Variants in ANK2 observed in about 807,000 individuals in gnomAD.
The protein encoded by ANK2 is ankyrin 2.
ANK2 carries 83 observed loss-of-function variants against 360.5 expected under a neutral mutation model. That is an observed-to-expected ratio of 0.23 (90% CI 0.19 to 0.28). ANK2 has a LOEUF of 0.28. ANK2 is among the 10% of genes least tolerant of loss of function. The probability of loss-of-function intolerance (pLI) is 1.00; values close to 1 mark genes in which losing one functional copy is unlikely to be tolerated. For synonymous variants in ANK2, 1,740 were observed against 1,759.5 expected, an observed-to-expected ratio of 0.99 and a Z score of 0.28; for missense variants, 4,201 against 4,795.7, an observed-to-expected ratio of 0.88 and a Z score of 3.66.
At chr4:112,875,870 T>A (rs1201963032) in intron 1 of ANK2, among the ~76,000 whole-genome samples, 1 of 151,928 alleles carries the variant, frequency 6.6e-6, no homozygotes, top group African/African-American at 2.4e-5. Context: ...GCCTCCCAAG[T>A]AGCTGAGACC....
chr4:113,317,063 C>T (rs186771033), intron 24 of ANK2, among the ~76,000 whole-genome samples: 3 of 152,214 alleles, frequency 2.0e-5, no homozygotes, highest in South Asian at 4.2e-4. Flanking sequence ...ACAGTGCTCT[C>T]GTTTGAAATA....
intron 1 of ANK2, among the ~76,000 whole-genome samples, chr4:112,902,604 A>G (rs978973508): frequency 7.2e-5 from 11 of 152,170 alleles, no homozygotes; most frequent in African/African-American, 2.7e-4. Flanking sequence ...TGAATGCTTA[A>G]ATGTTGTCCT....
intron 1 of ANK2, among the ~76,000 whole-genome samples, chr4:113,158,168 T>C (rs944770222): frequency 3.9e-5 from 6 of 152,198 alleles, no homozygotes; most frequent in South Asian, 2.1e-4. Context: ...CAGTCCATGT[T>C]GTGTAGGAAA....
chr4:113,275,892 C>T (rs1251092526), intron 15 of ANK2, among the ~76,000 whole-genome samples: 1 of 150,430 alleles, frequency 6.6e-6, no homozygotes, highest in Non-Finnish European at 1.5e-5. Context: ...ATAACTATAT[C>T]CATGGTAAAT....
intron 1 of ANK2, chr4:113,117,089 A>G: frequency 2.8e-6 from 1 of 358,958 alleles, no homozygotes; most frequent in Non-Finnish European, 5.4e-6. Context: ...AGTTCATTGT[A>G]GTGAGTTGTG....
chr4:112,972,362 A>G (rs2039834755), intron 2 of ANK2, among the ~76,000 whole-genome samples: 1 of 152,000 alleles, frequency 6.6e-6, no homozygotes, highest in Admixed American at 6.6e-5. Context: ...ACCCCTCAAC[A>G]GGCCCCGGTG....
chr4:113,079,011 G>A (rs2081263422), intron 1 of ANK2, among the ~76,000 whole-genome samples: 1 of 152,062 alleles, frequency 6.6e-6, no homozygotes, highest in African/African-American at 2.4e-5. Context: ...TTTAAAAAAG[G>A]AAACTTGAAA....
chr4:112,825,180 G>A (rs555445314), intron 1 of ANK2, among the ~76,000 whole-genome samples: 116 of 152,150 alleles, frequency 7.6e-4, no homozygotes, highest in Admixed American at 6.7e-3. Flanking sequence ...CACATACCAG[G>A]CCTGTCATGG....
At chr4:112,967,296 A>G (rs1207591722) in intron 2 of ANK2, among the ~76,000 whole-genome samples, 1 of 152,228 alleles carries the variant, frequency 6.6e-6, no homozygotes, top group Non-Finnish European at 1.5e-5. Context: ...AGTCAAGATT[A>G]AACTAATCTA....
At chr4:112,856,880 G>A (rs962103043) in intron 1 of ANK2, among the ~76,000 whole-genome samples, 1 of 152,250 alleles carries the variant, frequency 6.6e-6, no homozygotes, top group Non-Finnish European at 1.5e-5. Flanking sequence ...GCCAGTTGAA[G>A]ACGTATAGCC....
At chr4:113,048,430 ATT>A (rs61689467), upstream of ANK2, among the ~76,000 whole-genome samples, 47 of 129,720 alleles carry the variant, frequency 3.6e-4, no homozygotes, top group African/African-American at 1.3e-3. Context: ...CACCTGGCTA[ATT>A]TTTTTTTTTT....
At chr4:113,107,172 G>C (rs559087566) in intron 1 of ANK2, among the ~76,000 whole-genome samples, 1 of 152,086 alleles carries the variant, frequency 6.6e-6, no homozygotes, top group Non-Finnish European at 1.5e-5. Context: ...AAGCACACAT[G>C]CTCACTGATT....
intron 38 of ANK2, 95 bp downstream of exon 38, chr4:113,359,394 A>ATTT: frequency 6.5e-7 from 1 of 1,529,672 alleles, no homozygotes; most frequent in Non-Finnish European, 8.9e-7. Context: ...TTTGTGTCTC[A>ATTT]TTTTCTTTAA....
chr4:113,178,310 G>A (rs1006153907), intron 2 of ANK2, among the ~76,000 whole-genome samples: 24 of 152,116 alleles, frequency 1.6e-4, no homozygotes, highest in African/African-American at 5.3e-4. Context: ...GCTCACACCT[G>A]TAATCCCAGC....
intron 1 of ANK2, among the ~76,000 whole-genome samples, chr4:113,114,343 AT>A (rs1178848960): frequency 1.3e-5 from 2 of 152,196 alleles, no homozygotes; most frequent in African/African-American, 4.8e-5. Flanking sequence ...ACTTAAAGAT[AT>A]TATGAGAAAA....
intron 1 of ANK2, chr4:113,117,099 G>C: frequency 2.8e-6 from 1 of 362,592 alleles, no homozygotes; most frequent in Non-Finnish European, 5.4e-6. Flanking sequence ...AGTGAGTTGT[G>C]GGTGCTGCAG....
rs918405092 is a variant in ANK2, at chr4:112,987,504, G to A, written c.21+82990G>A. ...AAGGGTCACAGGTGGCGGGTGACAA[G>A]TCTTTGGAGAAGGGAATGCTGGACT... On this transcript the variant is annotated intron_variant, in intron 2 of 30. Transcript: ENST00000503271. Among the ~76,000 whole-genome samples the A allele has an allele frequency of 3.3e-5, 5 of 152,290 alleles. No individual in the cohort carries two copies. In the East Asian group the frequency reaches 9.6e-4, roughly 29 times the overall value.
At chr4:113,215,419 ATAT>A (rs1276009487) in intron 4 of ANK2, among the ~76,000 whole-genome samples, 1 of 152,176 alleles carries the variant, frequency 6.6e-6, no homozygotes, top group Non-Finnish European at 1.5e-5. Flanking sequence ...ATCATTAGAT[ATAT>A]TTGTATTATC....
chr4:113,287,994 C>T (rs889758344), intron 19 of ANK2, among the ~76,000 whole-genome samples: 4 of 152,106 alleles, frequency 2.6e-5, no homozygotes, highest in East Asian at 1.9e-4. Context: ...TGACTTGCTG[C>T]GTTCCTCTTC....
Sources: gnomAD v4.1 joint callset for allele counts (sites outside exome capture counted in the v4.1 genomes callset) on GRCh38, gnomAD v4.1.1 for gene constraint, MANE v1.5 for transcripts, NCBI Gene and HGNC (gene_info 2026-07-23, HGNC 2026-07-21) for gene names.